Variants in FRA10AC1 observed in about 807,000 individuals in gnomAD.
The protein encoded by FRA10AC1 is FRA10A associated CGG repeat 1.
FRA10AC1 carries 43 observed loss-of-function variants against 56.5 expected under a neutral mutation model. The ratio of observed to expected loss-of-function variants is 0.76; its 90% CI spans 0.60 to 0.98. FRA10AC1 has a LOEUF of 0.98. Ranked by LOEUF, FRA10AC1 falls within the 50% of genes least tolerant of loss-of-function variation. The pLI, the probability that FRA10AC1 is intolerant of heterozygous loss-of-function variation, is 0.00. For synonymous variants in FRA10AC1, 112 were observed against 110.5 expected (o/e 1.01, Z -0.09); for missense variants, 346 against 351.8 (o/e 0.98, Z 0.13).
intron 10 of FRA10AC1, among the ~76,000 whole-genome samples, chr10:93,683,509 C>T (rs2058971238): frequency 6.6e-6 from 1 of 152,112 alleles, no homozygotes; most frequent in African/African-American, 2.4e-5. Flanking sequence ...TGCCACCACG[C>T]CCAGTTAATT....
upstream of FRA10AC1, among the ~76,000 whole-genome samples, chr10:93,702,768 C>T (rs1427128056): frequency 1.3e-5 from 2 of 151,960 alleles, no homozygotes; most frequent in African/African-American, 2.4e-5. Flanking sequence ...CCTGGGCCTC[C>T]TTCCTTTCCC....
At chr10:93,681,622 T>C (rs1419715413) in intron 10 of FRA10AC1, 24 bp from the exon 11 acceptor site, 1 of 1,464,830 alleles carries the variant, frequency 6.8e-7, no homozygotes. Flanking sequence ...AATATAAAAT[T>C]AAAGTTAACT....
chr10:93,693,516 TATATATATATACACC>T (rs1270619740), intron 5 of FRA10AC1, among the ~76,000 whole-genome samples: 9,456 of 51,408 alleles, frequency 0.18, 1,244 homozygotes, highest in East Asian at 0.38. Context: ...ATACACCATA[TATATATATATACACC>T]ATATATATAT....
At chr10:93,689,712 TAA>T (rs1246987926) in intron 7 of FRA10AC1, among the ~76,000 whole-genome samples, 1 of 152,200 alleles carries the variant, frequency 6.6e-6, no homozygotes, top group East Asian at 1.9e-4. Context: ...TCCTACTAGT[TAA>T]AGACTGTATA....
intron 4 of FRA10AC1, among the ~76,000 whole-genome samples, chr10:93,697,491 C>T (rs2059252615): frequency 6.6e-6 from 1 of 152,184 alleles, no homozygotes; most frequent in Non-Finnish European, 1.5e-5. Flanking sequence ...TCAGTTTTTG[C>T]TTGGTATCTC....
At chr10:93,678,718 C>A (rs1187701256) in intron 11 of FRA10AC1, among the ~76,000 whole-genome samples, 1 of 151,946 alleles carries the variant, frequency 6.6e-6, no homozygotes, top group Non-Finnish European at 1.5e-5. Context: ...CCTGTAGTCC[C>A]AGTTACCTGG....
chr10:93,702,607 A>G (rs1259482797), upstream of FRA10AC1: 1 of 215,376 alleles, frequency 4.6e-6, no homozygotes, highest in African/African-American at 2.4e-5. Flanking sequence ...CGACACGGCC[A>G]CGTGTTACAT....
At chr10:93,694,961 T>C in intron 4 of FRA10AC1, 24 bp from the exon 5 acceptor site, 1 of 1,237,048 alleles carries the variant, frequency 8.1e-7, no homozygotes, top group Non-Finnish European at 1.2e-6. Flanking sequence ...AATTAAGGAT[T>C]TTATTCTCTT....
At chr10:93,688,492 G>A (rs1221578264) in intron 7 of FRA10AC1, among the ~76,000 whole-genome samples, 2 of 152,134 alleles carry the variant, frequency 1.3e-5, no homozygotes, top group Non-Finnish European at 2.9e-5. Flanking sequence ...GAACCCTAAT[G>A]TAAGCTATGG....
intron 9 of FRA10AC1, 97 bp from the exon 10 acceptor site, chr10:93,684,195 T>C (rs2058985173): frequency 4.6e-6 from 4 of 873,832 alleles, no homozygotes; most frequent in Non-Finnish European, 7.5e-6. Flanking sequence ...TATATTCCAT[T>C]ACTATAAGAG....
intron 9 of FRA10AC1, among the ~76,000 whole-genome samples, chr10:93,684,869 T>C (rs1486165273): frequency 6.6e-6 from 1 of 152,124 alleles, no homozygotes; most frequent in African/African-American, 2.4e-5. Flanking sequence ...TGAAACAGAG[T>C]GAATTTGTTT....
intron 2 of FRA10AC1, among the ~76,000 whole-genome samples, chr10:93,699,616 C>T (rs1048686750): frequency 1.3e-5 from 2 of 152,218 alleles, no homozygotes; most frequent in African/African-American, 4.8e-5. Context: ...TGCGTAAGAA[C>T]TGTGCTGCAT....
intron 8 of FRA10AC1, among the ~76,000 whole-genome samples, chr10:93,687,101 C>T (rs1033930525): frequency 4.0e-5 from 6 of 151,816 alleles, no homozygotes; most frequent in African/African-American, 7.2e-5. Flanking sequence ...AAAAAATAAA[C>T]CTTTCTTTTT....
At chr10:93,670,875 A>T (rs1464949565) in intron 12 of FRA10AC1, 27 bp from the exon 13 acceptor site, 1 of 1,484,556 alleles carries the variant, frequency 6.7e-7, no homozygotes, top group Non-Finnish European at 9.4e-7. Flanking sequence ...GATGATTTTT[A>T]AAAACCTATT....
chr10:93,692,778 A>G (rs1375940238), intron 5 of FRA10AC1, 49 bp from the exon 6 acceptor site: 1 of 1,275,184 alleles, frequency 7.8e-7, no homozygotes, highest in South Asian at 1.4e-5. Flanking sequence ...AAGTAGTCAA[A>G]TTTAGGTTAA....
Position 93,702,452 on chromosome 10 carries a change from C to T in FRA10AC1, c.-78G>A, listed in dbSNP as rs545155601. 39 of 166,512 alleles carry T rather than the reference C, an allele frequency of 2.3e-4. No individual in the cohort carries two copies. The highest frequency in any genetic ancestry group is 4.0e-4 in the Non-Finnish European group (31 of 77,062). 10.3% of individuals were successfully genotyped at this position (166,512 alleles called of 1,614,324 possible). A position where few individuals can be genotyped will look rare whatever the true frequency, so the allele number is the denominator to read the frequency against. ...TCTTTCCCGGCAGCTGCAGCGACGA[C>T]CCACGGCCTGAGAGAGCCGCTGCAG... is the stretch of plus-strand genomic sequence containing the variant. On this transcript the variant is annotated 5_prime_UTR_variant, in exon 1 of 14. Coordinates refer to ENST00000359204, the MANE Select transcript of FRA10AC1 (RefSeq NM_145246.5).
chr10:93,676,652 C>A lies in FRA10AC1; in HGVS notation c.826+1G>T, dbSNP rs770503479. 2 of 1,558,120 alleles carry A rather than the reference C, an allele frequency of 1.3e-6. No homozygotes were observed. The highest frequency in any genetic ancestry group is 2.4e-5 in the South Asian group (2 of 81,650). On this transcript the variant is annotated splice_donor_variant, in intron 12 of 13. Coordinates refer to ENST00000359204, the MANE Select transcript of FRA10AC1 (RefSeq NM_145246.5). LOFTEE classifies it high-confidence loss of function. ...TTATTAAATAAACACTTGTTACTTA[C>A]TAAGTAGAGAATCTTCAGATTTCTT... is the stretch of plus-strand genomic sequence containing the variant.
chr10:93,685,859 G>A (rs2059018026), intron 8 of FRA10AC1, among the ~76,000 whole-genome samples: 1 of 151,680 alleles, frequency 6.6e-6, no homozygotes, highest in Non-Finnish European at 1.5e-5. Flanking sequence ...TTAAATACTA[G>A]CATAGATGGC....
chr10:93,685,387 T>C (rs758847420), intron 8 of FRA10AC1, 28 bp from the exon 9 acceptor site: 2 of 967,356 alleles, frequency 2.1e-6, no homozygotes, highest in South Asian at 1.4e-5. Flanking sequence ...ATATTAGCTA[T>C]GGTAGTTGGT....
Sources: gnomAD v4.1 joint callset for allele counts (sites outside exome capture counted in the v4.1 genomes callset) on GRCh38, gnomAD v4.1.1 for gene constraint, MANE v1.5 for transcripts, NCBI Gene and HGNC (gene_info 2026-07-23, HGNC 2026-07-21) for gene names.